Variants in CACNA2D1 observed in about 807,000 individuals in gnomAD.
CACNA2D1 encodes voltage-dependent calcium channel subunit alpha-2/delta-1.
In CACNA2D1, 53 loss-of-function variants were observed where a neutral mutation model predicts 171.5. The observed-to-expected ratio is 0.31, with a 90% CI of 0.25 to 0.39. The LOEUF (loss-of-function observed/expected upper bound fraction) is 0.39. Ranked by LOEUF, CACNA2D1 falls within the 10% of genes least tolerant of loss-of-function variation. The probability of loss-of-function intolerance (pLI) is 1.00; values close to 1 mark genes in which losing one functional copy is unlikely to be tolerated. For missense variants in CACNA2D1, 903 were observed against 1,299.8 expected, an observed-to-expected ratio of 0.69 and a Z score of 4.69; for synonymous variants, 442 against 443.1, an observed-to-expected ratio of 1.00 and a Z score of 0.03.
intron 6 of CACNA2D1, among the ~76,000 whole-genome samples, chr7:82,106,230 C>T (rs532436085): frequency 2.0e-5 from 3 of 152,074 alleles, no homozygotes; most frequent in Admixed American, 6.6e-5. Context: ...AAGATTTTAT[C>T]CACGAAGTCA....
intron 1 of CACNA2D1, among the ~76,000 whole-genome samples, chr7:82,440,515 A>T (rs750717380): frequency 1.3e-5 from 2 of 151,926 alleles, no homozygotes; most frequent in Non-Finnish European, 2.9e-5. Context: ...ATATCAACCA[A>T]TACACATTAT....
At chr7:81,984,259 A>C (rs1029829159) in intron 22 of CACNA2D1, among the ~76,000 whole-genome samples, 3 of 152,196 alleles carry the variant, frequency 2.0e-5, no homozygotes, top group African/African-American at 7.2e-5. Context: ...GAAAAGGAAA[A>C]GCTTTACTAG....
chr7:81,990,076 A>G (rs151076304), intron 21 of CACNA2D1, among the ~76,000 whole-genome samples: 1 of 146,782 alleles, frequency 6.8e-6, no homozygotes. Flanking sequence ...TGACTAAGGT[A>G]GGGGGGTGAC....
chr7:82,364,996 A>G (rs768848685), intron 1 of CACNA2D1, among the ~76,000 whole-genome samples: 9 of 152,194 alleles, frequency 5.9e-5, no homozygotes, highest in Non-Finnish European at 1.3e-4. Context: ...CTCAATTTAT[A>G]ACACAGCCAC....
chr7:82,144,698 T>A (rs569427076), intron 4 of CACNA2D1, among the ~76,000 whole-genome samples: 2 of 152,186 alleles, frequency 1.3e-5, no homozygotes, highest in Admixed American at 1.3e-4. Flanking sequence ...ACTGCCAACT[T>A]AATATTTTAT....
chr7:82,419,882 C>T (rs1169648849), intron 1 of CACNA2D1, among the ~76,000 whole-genome samples: 1 of 152,098 alleles, frequency 6.6e-6, no homozygotes, highest in Non-Finnish European at 1.5e-5. Context: ...TGATTTTGCC[C>T]CTCAGGAGAC....
In CACNA2D1 at chr7:82,050,679, A is replaced by G; in HGVS notation, c.879+9749T>C. 3 of 700,202 alleles carry G rather than the reference A, an allele frequency of 4.3e-6. No individual in the cohort carries two copies. The South Asian group carries it at 4.5e-5, about 10-fold the overall frequency. The allele number at this position is 700,202 out of a possible 1,614,324, so 43.4% of individuals were successfully genotyped here. ...ATTGGCTGTTAATGCTTAGACTTAAATGTGAAAGATTCATAAAGAAATGTC... is the reference window on the plus strand; with the variant it reads ...ATTGGCTGTTAATGCTTAGACTTAAGTGTGAAAGATTCATAAAGAAATGTC... On this transcript the variant is annotated intron_variant, in intron 10 of 38. Transcript: ENST00000356860.
intron 3 of CACNA2D1, among the ~76,000 whole-genome samples, chr7:82,203,406 G>A (rs904210115): frequency 1.2e-4 from 18 of 152,238 alleles, no homozygotes; most frequent in African/African-American, 3.9e-4. Context: ...ACGGGAGGGC[G>A]ACAATGAACT....
intron 3 of CACNA2D1, among the ~76,000 whole-genome samples, chr7:82,282,918 G>A (rs925018049): frequency 8.5e-5 from 13 of 152,180 alleles, no homozygotes; most frequent in Middle Eastern, 6.8e-3. Context: ...GCTGCAATTC[G>A]CCTAATATAA....
At chr7:81,983,234 T>C (rs1796614262) in intron 23 of CACNA2D1, 80 bp downstream of exon 23, 2 of 1,193,720 alleles carry the variant, frequency 1.7e-6, no homozygotes, top group South Asian at 2.5e-5. Context: ...CAGAGGATAA[T>C]ATCCAATAGG....
chr7:81,984,694 G>C lies in CACNA2D1; in HGVS notation c.1814C>G (p.Pro605Arg). The change falls in exon 22 of 39, where the codon CCA (proline) becomes CGA (arginine). Residue 605 changes from proline to arginine, a missense_variant. Physicochemically the swap from Pro to Arg is moderately radical, Grantham distance 103. Around this residue, in one of 5 missense-constraint regions of CACNA2D1, gnomAD observed 623 missense variants for 925.5 expected, o/e 0.67. Transcript: ENST00000356860. The part of the protein sequence containing the change: ...GTDYSLALVL[P>R]TYSFYYIKAK... The stretch of plus-strand genomic sequence containing the variant: ...TTTTATATAGTAAAAACTGTAGGTT[G>C]GTAATACCAAGGCCAAACTGCAATA... The C allele has an allele frequency of 6.4e-7, 1 of 1,557,248 alleles. No individual in the cohort carries two copies. Among genetic ancestry groups the C allele is most frequent in the Non-Finnish European group, 8.7e-7 (1 of 1,142,862 alleles).
intron 7 of CACNA2D1, among the ~76,000 whole-genome samples, chr7:82,083,860 C>G: frequency 6.6e-6 from 1 of 152,070 alleles, no homozygotes; most frequent in Admixed American, 6.6e-5. Context: ...CCCTTATTTA[C>G]TGCTGTGACT....
intron 22 of CACNA2D1, among the ~76,000 whole-genome samples, chr7:81,983,627 TAA>T (rs908271772): frequency 7.9e-5 from 12 of 152,184 alleles, no homozygotes; most frequent in African/African-American, 2.9e-4. Flanking sequence ...CGTCAGGCTA[TAA>T]ACATAAGCAT....
intron 3 of CACNA2D1, among the ~76,000 whole-genome samples, chr7:82,273,883 G>A (rs10265816): frequency 0.39 from 59,463 of 151,980 alleles, 13,396 homozygotes; most frequent in African/African-American, 0.63. Flanking sequence ...GTAGAATTAA[G>A]AATATGCTTC....
At chr7:82,026,813 T>G (rs558500932) in intron 12 of CACNA2D1, among the ~76,000 whole-genome samples, 30 of 151,832 alleles carry the variant, frequency 2.0e-4, no homozygotes, top group African/African-American at 7.0e-4. Flanking sequence ...ATATAAGCAC[T>G]CTACACATAC....
intron 37 of CACNA2D1, 124 bp from the exon 38 acceptor site, chr7:81,959,481 C>T: frequency 1.3e-6 from 1 of 788,406 alleles, no homozygotes; most frequent in South Asian, 1.4e-5. Context: ...TCTCATCCAA[C>T]ACAATTCAAG....
intron 3 of CACNA2D1, among the ~76,000 whole-genome samples, chr7:82,288,082 T>C (rs1021388157): frequency 6.6e-6 from 1 of 151,624 alleles, no homozygotes; most frequent in African/African-American, 2.4e-5. Flanking sequence ...CCTCGTGATC[T>C]GCCCGCCTCG....
chr7:82,400,793 T>C (rs1199601328), intron 1 of CACNA2D1, among the ~76,000 whole-genome samples: 31 of 150,660 alleles, frequency 2.1e-4, no homozygotes, highest in Non-Finnish European at 4.0e-4. Context: ...AGAAAATTTT[T>C]GCAACCTACT....
intron 1 of CACNA2D1, among the ~76,000 whole-genome samples, chr7:82,400,284 A>G (rs1392150792): frequency 1.3e-5 from 2 of 151,520 alleles, no homozygotes; most frequent in Non-Finnish European, 2.9e-5. Context: ...TCTGTAAATT[A>G]CCTTGGGCAG....
Sources: allele counts gnomAD v4.1 joint callset (sites outside exome capture counted in the v4.1 genomes callset), GRCh38; gene constraint gnomAD v4.1.1; regional missense constraint gnomAD v4.1.1; transcripts MANE v1.5; gene names NCBI Gene and HGNC (gene_info 2026-07-23, HGNC 2026-07-21).